Variants in SCUBE2 observed in about 807,000 individuals in gnomAD.
The protein encoded by SCUBE2 is signal peptide, CUB domain and EGF like domain containing 2.
A neutral mutation model predicts 125.9 loss-of-function variants in SCUBE2; 114 were observed. That is an observed-to-expected ratio of 0.91 (90% CI 0.78 to 1.06). The LOEUF is 1.06. SCUBE2 is among the 50% of genes least tolerant of loss of function. The pLI is 0.00. For missense variants in SCUBE2, 1,255 were observed against 1,301.8 expected, an observed-to-expected ratio of 0.96 and a Z score of 0.55; for synonymous variants, 459 against 492.9, an observed-to-expected ratio of 0.93 and a Z score of 0.91.
intron 2 of SCUBE2, among the ~76,000 whole-genome samples, chr11:9,089,001 C>A (rs377541633): frequency 1.2e-4 from 18 of 152,302 alleles, no homozygotes; most frequent in African/African-American, 4.3e-4. Flanking sequence ...CAGTCAGCTC[C>A]AATGTGTCAT....
intron 21 of SCUBE2, 175 bp from the exon 22 acceptor site, chr11:9,022,130 CTCTTCACCTACCAGCA>C (rs999618303): frequency 1.7e-6 from 1 of 577,460 alleles, no homozygotes; most frequent in African/African-American, 1.9e-5. Context: ...ACCACCACCT[CTCTTCACCTACCAGCA>C]TCTGCACCCA....
chr11:9,040,293 T>C (rs1199123481), intron 16 of SCUBE2, among the ~76,000 whole-genome samples: 1 of 152,152 alleles, frequency 6.6e-6, no homozygotes, highest in Non-Finnish European at 1.5e-5. Flanking sequence ...AAAACAATTA[T>C]CACAACATAT....
rs766361170 is a variant in SCUBE2 at position 9,074,574 on chromosome 11, T to C, written c.424A>G (p.Thr142Ala). The C allele has an allele frequency of 8.7e-6, 14 of 1,614,140 alleles. No individual in the cohort carries two copies. The highest frequency in any genetic ancestry group is 1.1e-5 in the Non-Finnish European group (13 of 1,180,002). The part of the protein sequence containing the change: ...CLENNGGCQH[T>A]CVNVMGSYEC... ...TAGCTCCCCATGACGTTGACACAGG[T>C]ATGCTGGCAGCCGCCATTGTTCTCC... Residue 142 changes from threonine to alanine, a missense_variant, in exon 4 of 23, where the codon ACC (threonine) becomes GCC (alanine). By Grantham distance (58) the Thr-to-Ala change is moderately conservative (BLOSUM62 0). Transcript: ENST00000649792.
At chr11:9,078,183 C>G (rs1378786689) in intron 3 of SCUBE2, among the ~76,000 whole-genome samples, 1 of 152,216 alleles carries the variant, frequency 6.6e-6, no homozygotes, top group Non-Finnish European at 1.5e-5. Flanking sequence ...AATACTGATT[C>G]CTGCTCTCAG....
chr11:9,024,335 T>G (rs760164166), intron 21 of SCUBE2: 1 of 1,272,136 alleles, frequency 7.9e-7, no homozygotes, highest in Non-Finnish European at 1.0e-6. Context: ...AGCAGAGCCA[T>G]GTGGGAGGCA....
chr11:9,079,631 A>C, intron 2 of SCUBE2, 122 bp from the exon 3 acceptor site: 5 of 1,003,758 alleles, frequency 5.0e-6, no homozygotes, highest in Non-Finnish European at 5.8e-6. Flanking sequence ...TAACAATAGG[A>C]AAACAAATAC....
intron 10 of SCUBE2, among the ~76,000 whole-genome samples, chr11:9,054,701 G>GTATATATATATATATATA (rs1210852364): frequency 4.9e-4 from 25 of 51,064 alleles, no homozygotes; most frequent in African/African-American, 2.2e-3. Flanking sequence ...AAGCACTAGT[G>GTATATATATATATATATA]TATATATATA....
At chr11:9,066,676 A>C in intron 6 of SCUBE2, 21 bp downstream of exon 6, 2 of 1,580,892 alleles carry the variant, frequency 1.3e-6, no homozygotes, top group Non-Finnish European at 8.7e-7. Flanking sequence ...ACCCTCACTC[A>C]GTGTTGGGGT....
chr11:9,028,204 T>A (rs540359071), intron 19 of SCUBE2, among the ~76,000 whole-genome samples: 1 of 116,730 alleles, frequency 8.6e-6, no homozygotes, highest in Non-Finnish European at 1.9e-5. Context: ...CTGGCTAATT[T>A]TTTTTCCTCA....
chr11:9,043,817 T>G (rs1003142025), intron 16 of SCUBE2, among the ~76,000 whole-genome samples: 1 of 151,304 alleles, frequency 6.6e-6, no homozygotes, highest in African/African-American at 2.4e-5. Flanking sequence ...TTTTTTTTTT[T>G]GCTTACCAGA....
At chr11:9,057,809 A>G (rs1382527341) in intron 9 of SCUBE2, among the ~76,000 whole-genome samples, 2 of 152,172 alleles carry the variant, frequency 1.3e-5, no homozygotes, top group East Asian at 3.8e-4. Context: ...CTGAGATTAC[A>G]GTGTGAGCCA....
intron 16 of SCUBE2, among the ~76,000 whole-genome samples, chr11:9,037,109 T>C (rs1376072018): frequency 1.3e-5 from 2 of 152,228 alleles, no homozygotes; most frequent in East Asian, 3.8e-4. Context: ...CATGAAGGGA[T>C]GCCTGAAAAC....
chr11:9,047,822 A>T, intron 15 of SCUBE2, 121 bp downstream of exon 15: 4 of 1,260,804 alleles, frequency 3.2e-6, no homozygotes, highest in Non-Finnish European at 4.4e-6. Context: ...GGGGTGAAAA[A>T]AAACAGGAGA....
chr11:9,073,349 A>T (rs995470430), intron 4 of SCUBE2, among the ~76,000 whole-genome samples: 3 of 152,116 alleles, frequency 2.0e-5, no homozygotes, highest in African/African-American at 7.2e-5. Flanking sequence ...CCCGCCCCAA[A>T]CGCTGAGAAT....
chr11:9,083,481 A>G (rs1398541811), intron 2 of SCUBE2, among the ~76,000 whole-genome samples: 1 of 152,190 alleles, frequency 6.6e-6, no homozygotes, highest in Non-Finnish European at 1.5e-5. Context: ...AGAGGTAAAC[A>G]CATTACAGAT....
chr11:9,082,739 T>C (rs1319251427), intron 2 of SCUBE2, among the ~76,000 whole-genome samples: 1 of 152,254 alleles, frequency 6.6e-6, no homozygotes, highest in Non-Finnish European at 1.5e-5. Flanking sequence ...GCATATTGTA[T>C]GATTCCACTT....
At chr11:9,065,523 G>A (rs1029519967) in intron 7 of SCUBE2, among the ~76,000 whole-genome samples, 5 of 152,172 alleles carry the variant, frequency 3.3e-5, no homozygotes, top group Non-Finnish European at 5.9e-5. Flanking sequence ...GTCTCAGGCA[G>A]TTCTTTACAG....
At chr11:9,021,741 T>A in intron 22 of SCUBE2, 135 bp downstream of exon 22, 1 of 613,140 alleles carries the variant, frequency 1.6e-6, no homozygotes, top group Non-Finnish European at 3.0e-6. Context: ...CTGGTGAAGG[T>A]ATAAAACTGA....
chr11:9,058,595 C>CAAAAAAAAAAAAAAAAAAAAAAAAA (rs61409328), intron 9 of SCUBE2, among the ~76,000 whole-genome samples: 1 of 44,304 alleles, frequency 2.3e-5, no homozygotes, highest in African/African-American at 8.5e-5. Context: ...GACTCTGTCT[C>CAAAAAAAAAAAAAAAAAAAAAAAAA]AAAAAAAAAA....
Sources: allele counts gnomAD v4.1 joint callset (sites outside exome capture counted in the v4.1 genomes callset), GRCh38; gene constraint gnomAD v4.1.1; transcripts MANE v1.5; gene names NCBI Gene and HGNC (gene_info 2026-07-23, HGNC 2026-07-21).